The following METTL25 variants were observed in gnomAD, a reference collection of about 807,000 sequenced individuals.
METTL25 encodes methyltransferase like 25.
In METTL25, 64 loss-of-function variants were observed where a neutral mutation model predicts 71.6. That is an observed-to-expected ratio of 0.89 (90% confidence interval 0.73 to 1.10). METTL25 has a LOEUF of 1.10. Ranked by LOEUF, METTL25 falls within the 50% of genes least tolerant of loss-of-function variation. The probability of loss-of-function intolerance (pLI) is 0.00; values close to 1 mark genes in which losing one functional copy is unlikely to be tolerated. For missense variants in METTL25, 807 were observed against 707.0 expected (o/e 1.14, Z -1.60); for synonymous variants, 287 against 250.3 (o/e 1.15, Z -1.38).
rs534468446 is a variant in METTL25, at chr12:82,403,134, C to G, written c.1279+4C>G. On this transcript the variant is annotated splice_donor_region_variant and intron_variant, in intron 5 of 11. Coordinates refer to ENST00000248306, the MANE Select transcript of METTL25 (RefSeq NM_032230.3). ...GAATTTGAAAACCAGCATAAAGGTA[C>G]AAGTTCCCCATGTGTCATAATTTTT... is the stretch of plus-strand genomic sequence containing the variant. 21 of 1,606,422 alleles carry G rather than the reference C, an allele frequency of 1.3e-5. No homozygotes were observed. Among genetic ancestry groups the G allele is most frequent in the East Asian group, 6.7e-5 (3 of 44,694 alleles).
At chr12:82,363,907 A>G (rs1381525837) in intron 1 of METTL25, among the ~76,000 whole-genome samples, 1 of 152,206 alleles carries the variant, frequency 6.6e-6, no homozygotes, top group African/African-American at 2.4e-5. Flanking sequence ...GTTGGATTTC[A>G]GTGGCTGTTA....
intron 9 of METTL25, among the ~76,000 whole-genome samples, chr12:82,461,481 A>T (rs1220664455): frequency 1.3e-5 from 2 of 152,196 alleles, no homozygotes; most frequent in Non-Finnish European, 2.9e-5. Context: ...GAAGAATTCT[A>T]ATCCAGGCTG....
In METTL25 at chr12:82,358,651, A is replaced by G; in HGVS notation, c.86A>G (p.Asp29Gly). The change falls in exon 1 of 12, where the codon GAT (aspartate) becomes GGT (glycine). Residue 29 changes from aspartate to glycine, a missense_variant. Transcript: ENST00000248306. ...KLQGLLQFLRDALSISNAHTV... is the reference protein window; with the variant it reads ...KLQGLLQFLRGALSISNAHTV... ...CAGGGACTGCTGCAGTTCCTGAGGG[A>G]TGCCCTGTCCATTTCCAATGCACAT... 6.2e-7 allele frequency: 1 copy of G among 1,614,134 alleles called. No individual in the cohort carries two copies. Among genetic ancestry groups the G allele is most frequent in the South Asian group, 1.1e-5 (1 of 91,078 alleles).
At chr12:82,472,881 C>T (rs571533574) in intron 9 of METTL25, among the ~76,000 whole-genome samples, 9 of 152,244 alleles carry the variant, frequency 5.9e-5, no homozygotes, top group African/African-American at 2.2e-4. Flanking sequence ...TGTTTCCTTG[C>T]TTTTTCATGT....
chr12:82,407,306 A>G (rs1284162530), intron 5 of METTL25, among the ~76,000 whole-genome samples: 1 of 152,134 alleles, frequency 6.6e-6, no homozygotes, highest in Admixed American at 6.6e-5. Flanking sequence ...GGGTAAAGGC[A>G]GTTTTGTCTT....
At chr12:82,393,525 C>G (rs975162570) in intron 3 of METTL25, among the ~76,000 whole-genome samples, 2 of 151,706 alleles carry the variant, frequency 1.3e-5, no homozygotes, top group African/African-American at 4.8e-5. Context: ...GTTTTTTGAT[C>G]GAGTCAGTTT....
At chr12:82,469,505 C>G (rs1892444788) in intron 9 of METTL25, among the ~76,000 whole-genome samples, 3 of 151,916 alleles carry the variant, frequency 2.0e-5, no homozygotes, top group Non-Finnish European at 2.9e-5. Context: ...CTCATGAGAA[C>G]TTACTATCAT....
chr12:82,365,951 G>A (rs1357178339), intron 1 of METTL25, among the ~76,000 whole-genome samples: 2 of 151,988 alleles, frequency 1.3e-5, no homozygotes, highest in Non-Finnish European at 2.9e-5. Context: ...ACATGGTGGC[G>A]GGCACCTGTA....
intron 5 of METTL25, among the ~76,000 whole-genome samples, chr12:82,429,163 A>T (rs1160128321): frequency 2.0e-5 from 3 of 151,680 alleles, no homozygotes; most frequent in African/African-American, 4.8e-5. Context: ...GTATGTTTGT[A>T]CCAATTAATC....
chr12:82,464,519 G>A (rs1162136217), intron 9 of METTL25, among the ~76,000 whole-genome samples: 1 of 151,968 alleles, frequency 6.6e-6, no homozygotes, highest in Non-Finnish European at 1.5e-5. Context: ...CTACAGCTTT[G>A]TAGAATATTT....
At chr12:82,417,871 G>T (rs1042917123) in intron 5 of METTL25, among the ~76,000 whole-genome samples, 4 of 152,138 alleles carry the variant, frequency 2.6e-5, no homozygotes, top group African/African-American at 9.7e-5. Flanking sequence ...ACAGTTGAAA[G>T]ATGAGGGAGC....
At chr12:82,386,214 A>G (rs1592624572) in intron 1 of METTL25, among the ~76,000 whole-genome samples, 1 of 152,128 alleles carries the variant, frequency 6.6e-6, no homozygotes, top group African/African-American at 2.4e-5. Context: ...CCCTGCCACA[A>G]GTCTGCATCA....
At chr12:82,419,565 T>C (rs1888289131) in intron 5 of METTL25, among the ~76,000 whole-genome samples, 1 of 152,064 alleles carries the variant, frequency 6.6e-6, no homozygotes, top group Admixed American at 6.6e-5. Flanking sequence ...AGTTCAACAC[T>C]GCTTTAAAGA....
rs78982758 is a variant in METTL25 at position 82,447,916 on chromosome 12, A to C, written c.1479-8811A>C. 5.3e-5 allele frequency among the ~76,000 whole-genome samples: 8 copies of C among 152,256 alleles called. No homozygotes were observed. The East Asian group carries it at 1.5e-3, about 29-fold the overall frequency. On this transcript the variant is annotated intron_variant, in intron 8 of 11. Transcript: ENST00000248306. ...ATATAGGCACCTCATTATAATGATA[A>C]GAAAAATTAAAATAAGTGGTTAAAA...
At chr12:82,469,258 T>C (rs1326239697) in intron 9 of METTL25, among the ~76,000 whole-genome samples, 1 of 152,146 alleles carries the variant, frequency 6.6e-6, no homozygotes, top group African/African-American at 2.4e-5. Context: ...TGTGGTTCTG[T>C]TGAGAGACCT....
chr12:82,382,661 G>T (rs186141839), intron 1 of METTL25, among the ~76,000 whole-genome samples: 217 of 152,250 alleles, frequency 1.4e-3, no homozygotes, highest in Middle Eastern at 3.4e-3. Context: ...ATTTTACAAA[G>T]ATATTTCTTT....
chr12:82,380,030 A>G (rs896056658), intron 1 of METTL25, among the ~76,000 whole-genome samples: 4 of 152,174 alleles, frequency 2.6e-5, no homozygotes, highest in Non-Finnish European at 4.4e-5. Flanking sequence ...CTATATTCCA[A>G]TAAATTTGGA....
chr12:82,433,637 T>C (rs1256792659), intron 6 of METTL25, among the ~76,000 whole-genome samples: 2 of 151,684 alleles, frequency 1.3e-5, no homozygotes, highest in Non-Finnish European at 3.0e-5. Context: ...TAACTAGCTA[T>C]GCAATTTGAG....
chr12:82,476,044 A>C (rs1892860513), intron 9 of METTL25, among the ~76,000 whole-genome samples: 2 of 152,128 alleles, frequency 1.3e-5, no homozygotes, highest in Admixed American at 1.3e-4. Context: ...AAATAAATAC[A>C]ATTGACTCAG....
Sources: gnomAD v4.1 joint callset for allele counts (sites outside exome capture counted in the v4.1 genomes callset) on GRCh38, gnomAD v4.1.1 for gene constraint, MANE v1.5 for transcripts, NCBI Gene and HGNC (gene_info 2026-07-23, HGNC 2026-07-21) for gene names.